PTPRS: variants seen among roughly 807,000 people sequenced by gnomAD.
PTPRS encodes the protein protein tyrosine phosphatase receptor type S.
PTPRS carries 63 observed loss-of-function variants against 215.3 expected under a neutral mutation model. The observed-to-expected ratio is 0.29, with a 90% CI of 0.24 to 0.36. The LOEUF (loss-of-function observed/expected upper bound fraction) is 0.36. PTPRS is among the 10% of genes least tolerant of loss of function. PTPRS has a pLI of 1.00. For synonymous variants in PTPRS, 1,404 were observed against 1,191.4 expected, an observed-to-expected ratio of 1.18 and a Z score of -3.68; for missense variants, 2,258 against 2,825.8, an observed-to-expected ratio of 0.80 and a Z score of 4.56.
In PTPRS at chr19:5,222,125, T is replaced by C; in HGVS notation, c.3199A>G (p.Lys1067Glu). 1 of 1,610,324 alleles carries C rather than the reference T, an allele frequency of 6.2e-7. No homozygotes were observed. Among genetic ancestry groups the C allele is most frequent in the Non-Finnish European group, 8.5e-7 (1 of 1,176,904 alleles). The change falls in exon 19 of 38, where the codon AAG (lysine) becomes GAG (glutamate). Residue 1067 changes from lysine (K) to glutamate (E), a missense_variant and splice_region_variant. Lys to Glu is a moderately conservative substitution (Grantham distance 56). Coordinates refer to ENST00000262963, the MANE Select transcript of PTPRS (RefSeq NM_002850.4). ...GCCTGCTGGCTGGGCAGTCGCACCT[T>C]GTAGGGTGTGGGTGAGTTGTAGTTG... ...PDNYNSPTPYKIQYNGLTLDV... is the reference protein window; with the variant it reads ...PDNYNSPTPYEIQYNGLTLDV...
chr19:5,252,143 C>T lies in PTPRS; in HGVS notation c.718+3965G>A, dbSNP rs376472179. On this transcript the variant is annotated intron_variant, in intron 9 of 37. Coordinates refer to ENST00000262963, the MANE Select transcript of PTPRS (RefSeq NM_002850.4). The stretch of plus-strand genomic sequence containing the variant: ...ATACTGAAAAAGAAGACCTGGGAAT[C>T]GGGCAATCTAGGCCTTGCTGGTGTC... 1.8e-4 allele frequency among the ~76,000 whole-genome samples: 28 copies of T among 152,302 alleles called. 1 individual carries two copies. Among genetic ancestry groups the T allele is most frequent in the African/African-American group, 6.0e-4 (25 of 41,562 alleles).
Position 5,240,266 on chromosome 19 carries a change from C to T in PTPRS, c.1637G>A (p.Ser546Asn), listed in dbSNP as rs1490656205. 1.3e-6 allele frequency: 2 copies of T among 1,594,424 alleles called. No individual in the cohort carries two copies. Among genetic ancestry groups the T allele is most frequent in the Non-Finnish European group, 1.7e-6 (2 of 1,171,996 alleles). The change falls in exon 12 of 38, where the codon AGC (serine) becomes AAC (asparagine). Residue 546 changes from serine to asparagine, a missense_variant. This residue lies in a region of PTPRS where 508 missense variants were observed against 799.4 expected (regional missense o/e 0.64). Coordinates refer to ENST00000262963, the MANE Select transcript of PTPRS (RefSeq NM_002850.4). ...RSETSITLSW[S>N]PPRQESIIKY... ...GATGATACTCTCCTGCCGCGGGGGG[C>T]TCCAGGACAGCGTGATGCTGGTCTC...
chr19:5,278,075 C>T (rs1438014868), intron 2 of PTPRS: 11 of 921,296 alleles, frequency 1.2e-5, no homozygotes, highest in Admixed American at 3.9e-5. Flanking sequence ...TGGAAAGGGC[C>T]GCCCAGCTGC....
At chr19:5,285,559 A>G (rs2074983) in intron 2 of PTPRS, among the ~76,000 whole-genome samples, 141,054 of 152,276 alleles carry the variant, frequency 0.93, 65,514 homozygotes, top group Middle Eastern at 0.97. Context: ...CCCTGGCTCC[A>G]CCTGAGACAG....
chr19:5,208,809 A>G (rs1464421513), intron 35 of PTPRS, among the ~76,000 whole-genome samples: 1 of 152,110 alleles, frequency 6.6e-6, no homozygotes, highest in Non-Finnish European at 1.5e-5. Context: ...TATGACATCC[A>G]GCACCTCCAT....
At chr19:5,246,088 G>T in intron 9 of PTPRS, 43 bp from the exon 10 acceptor site, 1 of 1,254,520 alleles carries the variant, frequency 8.0e-7, no homozygotes, top group Non-Finnish European at 1.0e-6. Flanking sequence ...AGATGCGAGG[G>T]GTGAGGTGGG....
intron 4 of PTPRS, among the ~76,000 whole-genome samples, chr19:5,271,571 T>C (rs2046913063): frequency 6.6e-6 from 1 of 151,852 alleles, no homozygotes; most frequent in African/African-American, 2.4e-5. Flanking sequence ...AGCTAATTTT[T>C]GTATTTTTAG....
chr19:5,232,748 C>T (rs1374427107), intron 13 of PTPRS, among the ~76,000 whole-genome samples: 2 of 105,170 alleles, frequency 1.9e-5, no homozygotes, highest in Non-Finnish European at 4.3e-5. Context: ...AATTATTAGG[C>T]ACCTACTAAT....
At chr19:5,265,925 TTCTTTTTA>T (rs948218643) in intron 4 of PTPRS, among the ~76,000 whole-genome samples, 22 of 152,122 alleles carry the variant, frequency 1.4e-4, no homozygotes, top group Admixed American at 6.5e-5. Context: ...GAGGACGCCT[TTCTTTTTA>T]TCTTTTAAAA....
intron 1 of PTPRS, among the ~76,000 whole-genome samples, chr19:5,332,200 T>C (rs1250353449): frequency 6.6e-6 from 1 of 151,984 alleles, no homozygotes; most frequent in Non-Finnish European, 1.5e-5. Flanking sequence ...TGATCTCAGC[T>C]CACTGCAACC....
At chr19:5,254,023 G>C (rs550877520) in intron 9 of PTPRS, among the ~76,000 whole-genome samples, 1 of 152,310 alleles carries the variant, frequency 6.6e-6, no homozygotes, top group East Asian at 1.9e-4. Flanking sequence ...CTGGAATCCA[G>C]GTCTGCCAGA....
At chr19:5,272,965 G>C (rs1445059036) in intron 4 of PTPRS, 1 of 190,648 alleles carries the variant, frequency 5.2e-6, no homozygotes, top group Non-Finnish European at 1.1e-5. Context: ...GTTCAGGGAA[G>C]GGAATGGGAT....
chr19:5,299,900 A>C (rs540045604), intron 1 of PTPRS, among the ~76,000 whole-genome samples: 1 of 152,108 alleles, frequency 6.6e-6, no homozygotes, highest in African/African-American at 2.4e-5. Flanking sequence ...GAAAAGAAAA[A>C]GAAAAAGGAC....
chr19:5,304,791 G>A (rs1401449161), intron 1 of PTPRS, among the ~76,000 whole-genome samples: 1 of 152,128 alleles, frequency 6.6e-6, no homozygotes, highest in African/African-American at 2.4e-5. Context: ...TGGGAAGGGT[G>A]TCCCAGGTAG....
At chr19:5,263,051 C>T (rs1238581700) in intron 5 of PTPRS, 79 bp from the exon 6 acceptor site, 2 of 386,946 alleles carry the variant, frequency 5.2e-6, no homozygotes, top group Non-Finnish European at 9.2e-6. Flanking sequence ...ATGTCCTCAG[C>T]GAGGAGGGGA....
chr19:5,229,640 C>T lies in PTPRS; in HGVS notation c.2200G>A (p.Ala734Thr). 3 of 1,332,192 alleles carry T rather than the reference C, an allele frequency of 2.3e-6. No homozygotes were observed. Among genetic ancestry groups the T allele is most frequent in the Non-Finnish European group, 2.9e-6 (3 of 1,046,918 alleles). The allele number at this position is 1,332,192 out of a possible 1,614,324, so 82.5% of individuals were successfully genotyped here. A position where few individuals can be genotyped will look rare whatever the true frequency, so the allele number is the denominator to read the frequency against. ...PRKVEAEALN[A>T]TAIRVLWRSP... ...CGCCACAGCACGCGGATGGCCGTGG[C>T]GTTGAGCGCCTCCGCCTCCACCTTC... Residue 734 changes from alanine to threonine, a missense_variant, in exon 15 of 38, where the codon GCC becomes ACC. Around this residue, in one of 6 missense-constraint regions of PTPRS, gnomAD observed 371 missense variants for 446.7 expected, o/e 0.83. Transcript: ENST00000262963.
In PTPRS at chr19:5,327,068, G is replaced by A. The variant is rs146224451; in HGVS notation, c.-95+13596C>T. Among the ~76,000 whole-genome samples, 682 of 152,246 alleles carry A rather than the reference G, an allele frequency of 4.5e-3. 5 individuals are homozygous for A. Among genetic ancestry groups the A allele is most frequent in the Non-Finnish European group, 7.4e-3 (506 of 68,008 alleles). ...GCTGAGGTGGTCCAAGGGTAGCCCC[G>A]CTCGCACTCCCAGCCCAGCTCCTGC... is the stretch of plus-strand genomic sequence containing the variant. On this transcript the variant is annotated intron_variant, in intron 1 of 37. Coordinates refer to ENST00000262963, the MANE Select transcript of PTPRS (RefSeq NM_002850.4).
At chr19:5,213,983 C>T (rs1406532362) in intron 30 of PTPRS, among the ~76,000 whole-genome samples, 1 of 152,244 alleles carries the variant, frequency 6.6e-6, no homozygotes, top group Non-Finnish European at 1.5e-5. Flanking sequence ...CTGTCCATCT[C>T]TGTCTGGAGA....
At chr19:5,228,327 A>AGT (rs1485674568) in intron 16 of PTPRS, among the ~76,000 whole-genome samples, 2 of 110,810 alleles carry the variant, frequency 1.8e-5, no homozygotes, top group African/African-American at 7.7e-5. Context: ...CCCGGGCGAT[A>AGT]GTGTGAGACT....
Sources: allele counts gnomAD v4.1 joint callset (sites outside exome capture counted in the v4.1 genomes callset), GRCh38; gene constraint gnomAD v4.1.1; regional missense constraint gnomAD v4.1.1; transcripts MANE v1.5; gene names NCBI Gene and HGNC (gene_info 2026-07-23, HGNC 2026-07-21).